XKR9: variants seen among roughly 807,000 people sequenced by gnomAD.
The protein encoded by XKR9 is XK related 9.
In XKR9, 32 loss-of-function variants were observed where a neutral mutation model predicts 32.0. That is an observed-to-expected ratio of 1.00 (90% CI 0.76 to 1.34). The LOEUF (loss-of-function observed/expected upper bound fraction) is 1.34, where lower values mean the gene tolerates loss of function less well. Ranked by LOEUF, XKR9 falls within the 40% of genes most tolerant of loss-of-function variation. The pLI, the probability that XKR9 is intolerant of heterozygous loss-of-function variation, is 0.00. For missense variants in XKR9, 546 were observed against 429.7 expected (o/e 1.27, Z -2.39); for synonymous variants, 168 against 143.4 (o/e 1.17, Z -1.22).
the XKR9 span, among the ~76,000 whole-genome samples, chr8:70,854,307 T>C: frequency 6.6e-6 from 1 of 152,268 alleles, no homozygotes; most frequent in Non-Finnish European, 1.5e-5. Context: ...ATGTGCCTTT[T>C]GGCTGCATAA....
chr8:70,954,133 G>A, the XKR9 span, among the ~76,000 whole-genome samples: 7 of 152,116 alleles, frequency 4.6e-5, no homozygotes, highest in African/African-American at 1.7e-4. Context: ...TTGGAGTAAG[G>A]TTGGTGTTTT....
At chr8:70,687,364 T>TTCTTTCTTTCTC (rs1819331239) in intron 3 of XKR9, among the ~76,000 whole-genome samples, 1 of 144,428 alleles carries the variant, frequency 6.9e-6, no homozygotes, top group Admixed American at 7.0e-5. Context: ...CTTTCTCTCT[T>TTCTTTCTTTCTC]TCCTTTCTTT....
At chr8:70,810,352 A>T in the XKR9 span, among the ~76,000 whole-genome samples, 3 of 152,258 alleles carry the variant, frequency 2.0e-5, no homozygotes, top group Non-Finnish European at 4.4e-5. Flanking sequence ...AAATGTAAAG[A>T]CCATCGAGGC....
chr8:71,044,469 C>A, the XKR9 span, among the ~76,000 whole-genome samples: 1 of 152,092 alleles, frequency 6.6e-6, no homozygotes, highest in Non-Finnish European at 1.5e-5. Flanking sequence ...AAATAAATTA[C>A]CTGAGTGAAG....
At chr8:70,941,777 G>A in the XKR9 span, among the ~76,000 whole-genome samples, 1 of 152,222 alleles carries the variant, frequency 6.6e-6, no homozygotes, top group Admixed American at 6.5e-5. Context: ...ACTCAGGGGT[G>A]TGAATTTCCC....
chr8:70,689,501 A>ATATATATGTATTT (rs1563424249), intron 3 of XKR9, among the ~76,000 whole-genome samples: 1 of 144,968 alleles, frequency 6.9e-6, no homozygotes, highest in Non-Finnish European at 1.5e-5. Flanking sequence ...TATATGTATT[A>ATATATATGTATTT]TATATATATG....
chr8:70,799,353 C>T, the XKR9 span, among the ~76,000 whole-genome samples: 98 of 152,136 alleles, frequency 6.4e-4, no homozygotes, highest in Non-Finnish European at 1.0e-3. Context: ...TTTTTTGAGA[C>T]GGAGTCTCAC....
the XKR9 span, among the ~76,000 whole-genome samples, chr8:70,805,426 G>A: frequency 6.6e-6 from 1 of 152,198 alleles, no homozygotes; most frequent in Non-Finnish European, 1.5e-5. Flanking sequence ...AGCTGTGGCT[G>A]CCTGCTGTCT....
At chr8:70,720,287 T>C (rs1297364317) in intron 4 of XKR9, among the ~76,000 whole-genome samples, 1 of 152,176 alleles carries the variant, frequency 6.6e-6, no homozygotes, top group Non-Finnish European at 1.5e-5. Flanking sequence ...GAATACCCTT[T>C]ATTTCTTTCT....
chr8:70,746,774 T>TC (rs937368589), intron 2 of XKR9, among the ~76,000 whole-genome samples: 1 of 152,010 alleles, frequency 6.6e-6, no homozygotes, highest in African/African-American at 2.4e-5. Flanking sequence ...GTGGGGCCTT[T>TC]TTTTTTTCAG....
the XKR9 span, among the ~76,000 whole-genome samples, chr8:70,839,513 G>C: frequency 6.6e-6 from 1 of 152,168 alleles, no homozygotes; most frequent in Non-Finnish European, 1.5e-5. Flanking sequence ...TGATGAAAGT[G>C]TGTTAATACT....
At chr8:70,874,826 G>C in the XKR9 span, among the ~76,000 whole-genome samples, 2 of 152,146 alleles carry the variant, frequency 1.3e-5, no homozygotes, top group Non-Finnish European at 2.9e-5. Flanking sequence ...TAATAAAGTG[G>C]GTATTAGTAG....
At chr8:70,678,322 A>G (rs1818949505) in intron 2 of XKR9, among the ~76,000 whole-genome samples, 1 of 152,228 alleles carries the variant, frequency 6.6e-6, no homozygotes, top group Non-Finnish European at 1.5e-5. Flanking sequence ...TATGTTTAAG[A>G]ATGATACATA....
At chr8:70,953,179 G>A in the XKR9 span, among the ~76,000 whole-genome samples, 1 of 152,222 alleles carries the variant, frequency 6.6e-6, no homozygotes, top group Non-Finnish European at 1.5e-5. Flanking sequence ...AGAAAGAGGA[G>A]GATCAGGGTG....
the XKR9 span, among the ~76,000 whole-genome samples, chr8:71,031,016 C>T: frequency 6.6e-6 from 1 of 152,096 alleles, no homozygotes; most frequent in African/African-American, 2.4e-5. Context: ...AAATTCTCCT[C>T]CTCCTTCTTC....
chr8:70,754,974 G>A (rs1807198012), intron 2 of XKR9, among the ~76,000 whole-genome samples: 2 of 152,020 alleles, frequency 1.3e-5, no homozygotes, highest in South Asian at 2.1e-4. Flanking sequence ...GAGTGAACAG[G>A]CAACCTACAA....
the XKR9 span, among the ~76,000 whole-genome samples, chr8:70,917,402 T>C: frequency 3.0e-4 from 45 of 152,324 alleles, no homozygotes; most frequent in African/African-American, 1.1e-3. Flanking sequence ...CCCTTATCTG[T>C]TTTGTTCACG....
chr8:70,856,810 T>C, the XKR9 span, among the ~76,000 whole-genome samples: 1 of 152,100 alleles, frequency 6.6e-6, no homozygotes, highest in Non-Finnish European at 1.5e-5. Flanking sequence ...GAACTCAGGA[T>C]TAAGAAACTC....
the XKR9 span, among the ~76,000 whole-genome samples, chr8:71,064,616 T>G: frequency 6.6e-6 from 1 of 152,246 alleles, no homozygotes; most frequent in African/African-American, 2.4e-5. Flanking sequence ...TCAAAATACA[T>G]GTGCTTTTGG....
Sources: gnomAD v4.1 joint callset for allele counts (sites outside exome capture counted in the v4.1 genomes callset) on GRCh38, gnomAD v4.1.1 for gene constraint, MANE v1.5 for transcripts, NCBI Gene and HGNC (gene_info 2026-07-23, HGNC 2026-07-21) for gene names.